Variants in MBP observed in about 807,000 individuals in gnomAD.
The protein encoded by MBP is Golli-MBP.
MBP carries 16 observed loss-of-function variants against 35.8 expected under a neutral mutation model. That is an observed-to-expected ratio of 0.45 (90% CI 0.30 to 0.68). The LOEUF (loss-of-function observed/expected upper bound fraction) is 0.68, where lower values mean the gene tolerates loss of function less well. Among genes scored for constraint, MBP ranks in the 30% least tolerant of loss-of-function variants. The pLI is 0.08. For synonymous variants in MBP, 143 were observed against 159.6 expected (o/e 0.90, Z 0.78); for missense variants, 380 against 404.7 (o/e 0.94, Z 0.52).
chr18:77,009,945 T>A, intron 4 of MBP: 1 of 1,555,574 alleles, frequency 6.4e-7, no homozygotes, highest in Non-Finnish European at 8.7e-7. Context: ...GGACACAGAG[T>A]GGGCTGCGTG....
At chr18:77,100,792 A>G (rs979880336) in intron 2 of MBP, among the ~76,000 whole-genome samples, 1 of 151,894 alleles carries the variant, frequency 6.6e-6, no homozygotes, top group Non-Finnish European at 1.5e-5. Context: ...GGCTCAAGCA[A>G]TCTGCCTGCT....
At chr18:77,060,590 A>C (rs1383575268) in intron 3 of MBP, among the ~76,000 whole-genome samples, 2 of 151,742 alleles carry the variant, frequency 1.3e-5, no homozygotes, top group African/African-American at 4.8e-5. Context: ...AGCCAGGATT[A>C]CAGGTGTGCA....
Position 76,989,900 on chromosome 18 carries a change from C to T in MBP, c.681+56G>A, listed in dbSNP as rs1299888855. The T allele has an allele frequency of 1.2e-5, 18 of 1,460,268 alleles. No individual in the cohort carries two copies. Among genetic ancestry groups the T allele is most frequent in the Non-Finnish European group, 1.7e-5 (18 of 1,042,350 alleles). 90.5% of individuals were successfully genotyped at this position (1,460,268 alleles called of 1,614,324 possible). On this transcript the variant is annotated intron_variant, in intron 5 of 8. Transcript: ENST00000355994. The surrounding 1 kb of genome is among the most constrained non-coding windows in gnomAD (Gnocchi z 4.0). ...CGTCCTGTGTGGATGACAGCAGTGG[C>T]CAGCACCCCTCCTCCCCCTCACAGT...
intron 4 of MBP, among the ~76,000 whole-genome samples, chr18:77,002,669 G>C (rs562424816): frequency 1.3e-5 from 2 of 152,292 alleles, no homozygotes; most frequent in South Asian, 4.1e-4. Context: ...GAGGTTCAGG[G>C]AGCTGCTCGC....
chr18:77,132,261 G>T (rs1486399499), intron 1 of MBP, among the ~76,000 whole-genome samples: 1 of 152,118 alleles, frequency 6.6e-6, no homozygotes, highest in Admixed American at 6.5e-5. Context: ...GGGCCCCGGC[G>T]CTGTAAACCC....
chr18:77,049,215 G>T (rs574621670), intron 3 of MBP, among the ~76,000 whole-genome samples: 1 of 148,768 alleles, frequency 6.7e-6, no homozygotes, highest in Non-Finnish European at 1.5e-5. Flanking sequence ...CACCGCACCC[G>T]GCCGAGGGCA....
intron 4 of MBP, chr18:77,006,871 G>C (rs1195159488): frequency 6.6e-6 from 1 of 152,506 alleles, no homozygotes; most frequent in Non-Finnish European, 1.5e-5. Flanking sequence ...TTTGCACAGA[G>C]AGAGAGAGGG....
At chr18:77,055,203 A>ACTCCAGC (rs1880950918) in intron 3 of MBP, among the ~76,000 whole-genome samples, 1 of 152,176 alleles carries the variant, frequency 6.6e-6, no homozygotes, top group African/African-American at 2.4e-5. Flanking sequence ...TTTGCTGCAA[A>ACTCCAGC]CTCCAGCACA....
chr18:77,132,490 G>C, intron 1 of MBP, 90 bp downstream of exon 1: 1 of 152,242 alleles, frequency 6.6e-6, no homozygotes, highest in East Asian at 1.9e-4. Flanking sequence ...CTCCGGTCCG[G>C]GGTCCCGCCC....
Position 77,131,089 on chromosome 18 carries a change from A to AC in MBP, c.-26+1490dup, listed in dbSNP as rs1257808414. Among the ~76,000 whole-genome samples, 11 of 48,212 alleles carry AC rather than the reference A, an allele frequency of 2.3e-4. No individual in the cohort carries two copies. The highest frequency in any genetic ancestry group is 6.3e-4 in the Non-Finnish European group (9 of 14,370). The allele number at this position is 48,212 out of a possible 152,430, so 31.6% of individuals were successfully genotyped here. On this transcript the variant is annotated intron_variant, in intron 1 of 8. Transcript: ENST00000355994. The surrounding 1 kb of genome is among the most constrained non-coding windows in gnomAD (Gnocchi z 5.5). Reference sequence around the variant, plus strand: ...CACACACGCGCGCACGCACGCGCACACACACACACACACACACACACACAC... The same window carrying AC: ...CACACACGCGCGCACGCACGCGCACACCACACACACACACACACACACACAC...
chr18:77,105,916 T>G (rs1976259921), intron 1 of MBP, among the ~76,000 whole-genome samples: 1 of 152,224 alleles, frequency 6.6e-6, no homozygotes, highest in Admixed American at 6.5e-5. Context: ...AGCACATTTA[T>G]GATTTTTCCC....
chr18:77,085,557 G>A (rs1789135), intron 2 of MBP, among the ~76,000 whole-genome samples: 118,177 of 152,098 alleles, frequency 0.78, 46,500 homozygotes, highest in South Asian at 0.85. Context: ...CCAATGCCAC[G>A]TGTCACCATT....
chr18:77,055,877 T>C (rs982719567), intron 3 of MBP, among the ~76,000 whole-genome samples: 2 of 152,330 alleles, frequency 1.3e-5, no homozygotes, highest in Non-Finnish European at 2.9e-5. Flanking sequence ...AGAAACTCAG[T>C]GGTTCTAGAA....
rs1165954952 is a variant in MBP at position 76,979,889 on chromosome 18, G to A, written c.*538C>T. 1.3e-5 allele frequency: 9 copies of A among 696,490 alleles called. No individual in the cohort carries two copies. The highest frequency in any genetic ancestry group is 2.1e-5 in the Non-Finnish European group (8 of 382,622). 43.1% of individuals were successfully genotyped at this position (696,490 alleles called of 1,614,324 possible). A position where few individuals can be genotyped will look rare whatever the true frequency, so the allele number is the denominator to read the frequency against. On this transcript the variant is annotated 3_prime_UTR_variant, in exon 9 of 9. Transcript: ENST00000355994. ...CACATACCAAAAGCTCCCACATGTA[G>A]TAAGCCACTCCTTGACTGTCTAATC...
chr18:77,030,336 T>G (rs1952901051), intron 3 of MBP, among the ~76,000 whole-genome samples: 1 of 152,184 alleles, frequency 6.6e-6, no homozygotes, highest in Non-Finnish European at 1.5e-5. Flanking sequence ...AGGGACTCTG[T>G]GTGGAAAGAG....
At chr18:77,023,227 T>A (rs1310635500) in intron 3 of MBP, among the ~76,000 whole-genome samples, 1 of 152,156 alleles carries the variant, frequency 6.6e-6, no homozygotes, top group South Asian at 2.1e-4. Context: ...AGCTGTGATA[T>A]GTGGGGGATA....
intron 2 of MBP, among the ~76,000 whole-genome samples, chr18:77,078,273 A>G (rs1326386129): frequency 6.6e-6 from 1 of 152,186 alleles, no homozygotes; most frequent in Non-Finnish European, 1.5e-5. Flanking sequence ...AGGGGCTGAA[A>G]GCTGCTTTTT....
intron 3 of MBP, among the ~76,000 whole-genome samples, chr18:77,061,881 C>T (rs1973999662): frequency 6.6e-6 from 1 of 152,212 alleles, no homozygotes; most frequent in African/African-American, 2.4e-5. Context: ...TCTCCATTGT[C>T]TGAGCAATGA....
At chr18:77,072,882 G>C (rs1230155022) in intron 2 of MBP, among the ~76,000 whole-genome samples, 2 of 152,198 alleles carry the variant, frequency 1.3e-5, no homozygotes, top group African/African-American at 4.8e-5. Context: ...CATTTCTCTG[G>C]AGGAAAGCTC....
Sources: allele counts gnomAD v4.1 joint callset (sites outside exome capture counted in the v4.1 genomes callset), GRCh38; gene constraint gnomAD v4.1.1; non-coding constraint Gnocchi (gnomAD v3.1); transcripts MANE v1.5; gene names NCBI Gene and HGNC (gene_info 2026-07-23, HGNC 2026-07-21).